The following RGS21 variants were observed in gnomAD, a reference collection of about 807,000 sequenced individuals.
RGS21 encodes the protein regulator of G-protein signalling 21.
Under a neutral mutation model 18.7 loss-of-function variants are expected in RGS21, and 19 were observed. The observed-to-expected ratio is 1.01, with a 90% confidence interval of 0.71 to 1.49. The LOEUF is 1.49. Among genes scored for constraint, RGS21 ranks in the 40% most tolerant of loss-of-function variants. The pLI is 0.00. For synonymous variants in RGS21, 56 were observed against 57.8 expected (o/e 0.97, Z 0.14); for missense variants, 194 against 176.8 (o/e 1.10, Z -0.55).
chr1:192,337,292 G>C (rs1423434942), intron 1 of RGS21, among the ~76,000 whole-genome samples: 1 of 151,830 alleles, frequency 6.6e-6, no homozygotes, highest in Non-Finnish European at 1.5e-5. Flanking sequence ...CCACTACCCA[G>C]ACTGTGATAT....
intron 3 of RGS21, among the ~76,000 whole-genome samples, chr1:192,349,489 G>A (rs1659004803): frequency 6.6e-6 from 1 of 152,164 alleles, no homozygotes; most frequent in African/African-American, 2.4e-5. Context: ...CCATAATGCT[G>A]ACATATTCCA....
intron 1 of RGS21, among the ~76,000 whole-genome samples, chr1:192,321,610 GATTTT>G (rs1658498805): frequency 1.3e-5 from 2 of 151,780 alleles, no homozygotes; most frequent in South Asian, 4.2e-4. Flanking sequence ...AATTCTTATT[GATTTT>G]ATTTTAATGC....
At chr1:192,334,188 G>A (rs1172028381) in intron 1 of RGS21, among the ~76,000 whole-genome samples, 2 of 152,030 alleles carry the variant, frequency 1.3e-5, no homozygotes, top group Admixed American at 1.3e-4. Flanking sequence ...AGTATATTTG[G>A]ACTTAAAGAG....
intron 1 of RGS21, among the ~76,000 whole-genome samples, chr1:192,318,118 G>A (rs972894931): frequency 1.3e-5 from 2 of 151,744 alleles, no homozygotes; most frequent in Non-Finnish European, 2.9e-5. Flanking sequence ...TCGTATAATT[G>A]CCTTTTTAAG....
At chr1:192,365,847 A>AAATAATATATATGTATAAACTATACATTC in intron 4 of RGS21, 74 bp from the exon 5 acceptor site, 1 of 790,790 alleles carries the variant, frequency 1.3e-6, no homozygotes, top group Non-Finnish European at 2.0e-6. Flanking sequence ...AAAGAATTTT[A>AAATAATATATATGTATAAACTATACATTC]AATAATATAT....
rs956336015 is a variant in RGS21 at position 192,328,132 on chromosome 1, G to T, written c.-61+11027G>T. Among the ~76,000 whole-genome samples, 3 of 152,272 alleles carry T rather than the reference G, an allele frequency of 2.0e-5. No homozygotes were observed. The South Asian group carries it at 6.2e-4, about 32-fold the overall frequency. ...AAAAAGAAGGCATACAGGGCCGCGTGCATCTCTGTCATGGACACACGTGAT... is the reference window on the plus strand; with the variant it reads ...AAAAAGAAGGCATACAGGGCCGCGTTCATCTCTGTCATGGACACACGTGAT... On this transcript the variant is annotated intron_variant, in intron 1 of 4. Coordinates refer to ENST00000417209, the MANE Select transcript of RGS21 (RefSeq NM_001039152.3).
At chr1:192,332,754 A>G (rs1658676063) in intron 1 of RGS21, among the ~76,000 whole-genome samples, 1 of 152,180 alleles carries the variant, frequency 6.6e-6, no homozygotes, top group South Asian at 2.1e-4. Flanking sequence ...TCAAAACTCA[A>G]CAGTTTAGCC....
intron 1 of RGS21, among the ~76,000 whole-genome samples, chr1:192,341,742 T>A (rs149027525): frequency 0.011 from 1,651 of 147,404 alleles, 26 homozygotes; most frequent in Non-Finnish European, 0.015. Context: ...CTGGCTCCTA[T>A]TTCTTAAAGA....
At chr1:192,344,192 G>A (rs1658914795) in intron 2 of RGS21, among the ~76,000 whole-genome samples, 1 of 151,938 alleles carries the variant, frequency 6.6e-6, no homozygotes, top group East Asian at 1.9e-4. Flanking sequence ...TTATTTAGAG[G>A]AATTATAGTA....
intron 4 of RGS21, among the ~76,000 whole-genome samples, chr1:192,362,553 C>T (rs1370259086): frequency 1.3e-5 from 2 of 152,104 alleles, no homozygotes; most frequent in African/African-American, 2.4e-5. Context: ...TACATTTACA[C>T]GAACATGGAG....
In RGS21 at chr1:192,343,023, C is replaced by G. The variant is rs370083826; in HGVS notation, c.-14C>G. 7.4e-6 allele frequency: 12 copies of G among 1,612,368 alleles called. No individual in the cohort carries two copies. Among genetic ancestry groups the G allele is most frequent in the South Asian group, 1.1e-5 (1 of 91,030 alleles). ...GAAACTCGGCATCATCTGTGACAGACAGTGGAACGAAAAATGCCAGTGAAG... is the reference window on the plus strand; with the variant it reads ...GAAACTCGGCATCATCTGTGACAGAGAGTGGAACGAAAAATGCCAGTGAAG... On this transcript the variant is annotated 5_prime_UTR_variant, in exon 2 of 5. Coordinates refer to ENST00000417209, the MANE Select transcript of RGS21 (RefSeq NM_001039152.3).
intron 1 of RGS21, among the ~76,000 whole-genome samples, chr1:192,328,620 A>G (rs1489151297): frequency 6.6e-6 from 1 of 152,218 alleles, no homozygotes; most frequent in Non-Finnish European, 1.5e-5. Flanking sequence ...TGCAAAAGCA[A>G]ATAGGTAAAG....
At chr1:192,325,689 G>A (rs1658559969) in intron 1 of RGS21, among the ~76,000 whole-genome samples, 1 of 151,992 alleles carries the variant, frequency 6.6e-6, no homozygotes, top group Non-Finnish European at 1.5e-5. Context: ...TGATTTGCAT[G>A]TCTCTGATTA....
chr1:192,338,405 T>C (rs1434817797), intron 1 of RGS21, among the ~76,000 whole-genome samples: 3 of 152,082 alleles, frequency 2.0e-5, no homozygotes, highest in Non-Finnish European at 4.4e-5. Flanking sequence ...AAGAAGACAA[T>C]TGTAAAAAAA....
intron 1 of RGS21, among the ~76,000 whole-genome samples, chr1:192,327,897 G>A (rs1038896845): frequency 2.6e-5 from 4 of 152,116 alleles, no homozygotes; most frequent in Non-Finnish European, 4.4e-5. Context: ...ATGATGACAC[G>A]AGAAATGAAT....
At chr1:192,347,203 T>C in intron 2 of RGS21, 110 bp from the exon 3 acceptor site, 2 of 686,686 alleles carry the variant, frequency 2.9e-6, no homozygotes, top group East Asian at 2.6e-5. Context: ...ATTTGGCTGT[T>C]TGATTAACAG....
chr1:192,326,768 T>C (rs116446581), intron 1 of RGS21, among the ~76,000 whole-genome samples: 25 of 152,288 alleles, frequency 1.6e-4, no homozygotes, highest in African/African-American at 5.8e-4. Flanking sequence ...TTCCCAAACT[T>C]TGGAAGTAGC....
At position 192,365,924 on chromosome 1, in the gene RGS21, A is replaced by G. The variant is rs1175560503; in HGVS notation, c.259A>G (p.Asn87Asp). Residue 87 changes from asparagine to aspartate, a missense_variant, in exon 5 of 5, where the codon AAC (asparagine) becomes GAC (aspartate). Transcript: ENST00000417209. Reference sequence around the variant, plus strand: ...TATGCAACCTTATTTTCCACAGATTAACATTGACTTCGGTACCAGAGACCT... The same window carrying G: ...TATGCAACCTTATTTTCCACAGATTGACATTGACTTCGGTACCAGAGACCT... ...FIEADAPKEI[N>D]IDFGTRDLIS... 7 of 1,582,054 alleles carry G rather than the reference A, an allele frequency of 4.4e-6. No homozygotes were observed. The highest frequency in any genetic ancestry group is 6.1e-6 in the Non-Finnish European group (7 of 1,152,906).
At chr1:192,330,251 C>T (rs902614636) in intron 1 of RGS21, among the ~76,000 whole-genome samples, 2 of 152,110 alleles carry the variant, frequency 1.3e-5, no homozygotes, top group African/African-American at 4.8e-5. Flanking sequence ...TTCTGTGGAT[C>T]AGAGATGGGA....
Sources: gnomAD v4.1 joint callset for allele counts (sites outside exome capture counted in the v4.1 genomes callset) on GRCh38, gnomAD v4.1.1 for gene constraint, MANE v1.5 for transcripts, NCBI Gene and HGNC (gene_info 2026-07-23, HGNC 2026-07-21) for gene names.